EDN1: variants seen among roughly 807,000 people sequenced by gnomAD.
The protein encoded by EDN1 is endothelin 1.
Under a neutral mutation model 21.7 loss-of-function variants are expected in EDN1, and 11 were observed. The ratio of observed to expected loss-of-function variants is 0.51; its 90% confidence interval spans 0.32 to 0.84. The LOEUF (loss-of-function observed/expected upper bound fraction) is 0.84. EDN1 is among the 40% of genes least tolerant of loss of function. The probability of loss-of-function intolerance (pLI) is 0.03; values close to 1 mark genes in which losing one functional copy is unlikely to be tolerated. For missense variants in EDN1, 244 were observed against 262.3 expected, an observed-to-expected ratio of 0.93 and a Z score of 0.48; for synonymous variants, 85 against 90.6, an observed-to-expected ratio of 0.94 and a Z score of 0.35.
At chr6:12,272,624 A>ATTTTTT in the EDN1 span, among the ~76,000 whole-genome samples, 2 of 143,844 alleles carry the variant, frequency 1.4e-5, no homozygotes, top group Non-Finnish European at 1.5e-5. Flanking sequence ...TGCCCAGCTA[A>ATTTTTT]TTTTTTTTTT....
At chr6:12,292,858 G>A (rs1762721308) in intron 2 of EDN1, among the ~76,000 whole-genome samples, 1 of 152,146 alleles carries the variant, frequency 6.6e-6, no homozygotes. Context: ...TCAGATGTGG[G>A]TTAGTGCAAC....
the EDN1 span, among the ~76,000 whole-genome samples, chr6:12,233,346 C>G: frequency 2.0e-5 from 3 of 152,196 alleles, no homozygotes; most frequent in Admixed American, 1.3e-4. Flanking sequence ...AAAAACAAGA[C>G]TGATTCACAG....
chr6:12,248,578 C>T, the EDN1 span, among the ~76,000 whole-genome samples: 1 of 152,208 alleles, frequency 6.6e-6, no homozygotes, highest in Non-Finnish European at 1.5e-5. Flanking sequence ...AGAATAGCCA[C>T]ACTCCACTGA....
chr6:12,235,276 G>A, the EDN1 span, among the ~76,000 whole-genome samples: 1 of 152,308 alleles, frequency 6.6e-6, no homozygotes, highest in East Asian at 1.9e-4. Context: ...CGTTTCCTTA[G>A]AAAGTCTGTC....
chr6:12,286,217 A>G (rs1056448710), upstream of EDN1, among the ~76,000 whole-genome samples: 1 of 152,220 alleles, frequency 6.6e-6, no homozygotes, highest in Non-Finnish European at 1.5e-5. Context: ...CTTGCTATCT[A>G]TGATTATCCT....
the EDN1 span, among the ~76,000 whole-genome samples, chr6:12,284,740 GAAGGAAGGAAGAAAGAAAGAAAGA>G: frequency 7.0e-5 from 6 of 85,282 alleles, no homozygotes; most frequent in East Asian, 3.1e-4. Flanking sequence ...AGGAAGGAAG[GAAGGAAGGAAGAAAGAAAGAAAGA>G]AAGAAAGAAA....
the EDN1 span, among the ~76,000 whole-genome samples, chr6:12,262,388 T>C: frequency 6.6e-6 from 1 of 152,142 alleles, no homozygotes; most frequent in African/African-American, 2.4e-5. Context: ...GTGTGAAATC[T>C]TGGCTGAGTT....
chr6:12,269,148 A>G, the EDN1 span, among the ~76,000 whole-genome samples: 1 of 152,128 alleles, frequency 6.6e-6, no homozygotes, highest in African/African-American at 2.4e-5. Flanking sequence ...ATAGTTTTAT[A>G]GAAATGCTAC....
chr6:12,256,796 G>A, the EDN1 span, among the ~76,000 whole-genome samples: 1 of 152,192 alleles, frequency 6.6e-6, no homozygotes, highest in East Asian at 1.9e-4. Context: ...AGAATTGTTT[G>A]CATACTAGTA....
chr6:12,274,393 T>G, the EDN1 span, among the ~76,000 whole-genome samples: 2 of 152,228 alleles, frequency 1.3e-5, no homozygotes, highest in African/African-American at 4.8e-5. Flanking sequence ...TGTGATGCCA[T>G]CAAAACATAT....
At chr6:12,273,936 A>G in the EDN1 span, among the ~76,000 whole-genome samples, 1 of 152,190 alleles carries the variant, frequency 6.6e-6, no homozygotes, top group Non-Finnish European at 1.5e-5. Flanking sequence ...TTAAGAAATA[A>G]CACTAATGGG....
intron 4 of EDN1, among the ~76,000 whole-genome samples, chr6:12,294,802 G>A (rs1233713300): frequency 6.6e-6 from 1 of 151,958 alleles, no homozygotes; most frequent in East Asian, 1.9e-4. Flanking sequence ...AAGAATCAAA[G>A]TGTCATGGAT....
At chr6:12,281,257 T>A in the EDN1 span, among the ~76,000 whole-genome samples, 1 of 152,252 alleles carries the variant, frequency 6.6e-6, no homozygotes, top group Non-Finnish European at 1.5e-5. Context: ...TAATAGAACT[T>A]ATGTGAAACA....
upstream of EDN1, among the ~76,000 whole-genome samples, chr6:12,288,445 C>A (rs1762601116): frequency 6.6e-6 from 1 of 152,134 alleles, no homozygotes; most frequent in Non-Finnish European, 1.5e-5. Context: ...GGCTCAGTGC[C>A]GCCTGTCCTC....
the EDN1 span, among the ~76,000 whole-genome samples, chr6:12,280,980 C>T: frequency 6.6e-6 from 1 of 152,150 alleles, no homozygotes; most frequent in Non-Finnish European, 1.5e-5. Flanking sequence ...TGCCTTTTTT[C>T]TCAGATCAAT....
the EDN1 span, among the ~76,000 whole-genome samples, chr6:12,274,331 T>C: frequency 3.9e-5 from 6 of 152,328 alleles, no homozygotes; most frequent in Admixed American, 1.3e-4. Flanking sequence ...GAGAGTGCAA[T>C]AGACAGAGAT....
chr6:12,259,023 T>A, the EDN1 span, among the ~76,000 whole-genome samples: 2 of 152,350 alleles, frequency 1.3e-5, no homozygotes, highest in South Asian at 2.1e-4. Flanking sequence ...ATAATTATGA[T>A]AAATTTTGGG....
upstream of EDN1, among the ~76,000 whole-genome samples, chr6:12,288,060 G>T (rs575790045): frequency 2.7e-4 from 41 of 152,132 alleles, no homozygotes; most frequent in Middle Eastern, 3.4e-3. Context: ...AACCTGCAGG[G>T]GCAGCCTCAG....
At chr6:12,262,452 T>C in the EDN1 span, among the ~76,000 whole-genome samples, 70 of 152,234 alleles carry the variant, frequency 4.6e-4, no homozygotes, top group African/African-American at 1.6e-3. Flanking sequence ...TAGATCTCAC[T>C]CCCTTGCTGA....
Sources: gnomAD v4.1 joint callset for allele counts (sites outside exome capture counted in the v4.1 genomes callset) on GRCh38, gnomAD v4.1.1 for gene constraint, MANE v1.5 for transcripts, NCBI Gene and HGNC (gene_info 2026-07-23, HGNC 2026-07-21) for gene names.